TP63: variants seen among roughly 807,000 people sequenced by gnomAD.
TP63 encodes tumor protein 63.
In TP63, 17 loss-of-function variants were observed where a neutral mutation model predicts 82.8. The ratio of observed to expected loss-of-function variants is 0.21; its 90% confidence interval spans 0.14 to 0.31. TP63 has a LOEUF of 0.31. TP63 is among the 10% of genes least tolerant of loss of function. The pLI is 1.00. For missense variants in TP63, 648 were observed against 895.3 expected (o/e 0.72, Z 3.52); for synonymous variants, 330 against 321.7 (o/e 1.03, Z -0.28).
At chr3:189,762,298 T>C (rs967658078) in intron 3 of TP63, among the ~76,000 whole-genome samples, 1 of 152,104 alleles carries the variant, frequency 6.6e-6, no homozygotes, top group Admixed American at 6.5e-5. Context: ...TCTTTATCTG[T>C]TATTTGGTAT....
chr3:189,638,957 A>G (rs1711567020), intron 1 of TP63, among the ~76,000 whole-genome samples: 2 of 152,306 alleles, frequency 1.3e-5, no homozygotes, highest in South Asian at 4.1e-4. Context: ...ACTAGAGATA[A>G]TGAAAAACAG....
chr3:189,818,122 A>T lies in TP63; in HGVS notation c.579+9596A>T, dbSNP rs560904568. 3.2e-4 allele frequency among the ~76,000 whole-genome samples: 49 copies of T among 151,968 alleles called. No homozygotes were observed. In the East Asian group the frequency reaches 8.7e-3, roughly 27 times the overall value. ...TACTGTGTGTTCATTTGAGATTTTC[A>T]TATTTATAAAATATAAAAATGTATA... is the stretch of plus-strand genomic sequence containing the variant. On this transcript the variant is annotated intron_variant, in intron 4 of 13. Coordinates refer to ENST00000264731, the MANE Select transcript of TP63 (RefSeq NM_003722.5).
At chr3:189,890,914 A>G in intron 13 of TP63, 32 bp downstream of exon 13, 1 of 1,596,560 alleles carries the variant, frequency 6.3e-7, no homozygotes, top group Non-Finnish European at 8.6e-7. Flanking sequence ...CTCAAATTTT[A>G]TTTCTTCATT....
At chr3:189,747,927 C>T (rs1721500750) in intron 3 of TP63, among the ~76,000 whole-genome samples, 1 of 151,924 alleles carries the variant, frequency 6.6e-6, no homozygotes, top group African/African-American at 2.4e-5. Flanking sequence ...TTATGAACAA[C>T]TGTATACTAA....
At chr3:189,841,882 C>T (rs953796226) in intron 4 of TP63, among the ~76,000 whole-genome samples, 8 of 152,150 alleles carry the variant, frequency 5.3e-5, no homozygotes, top group Admixed American at 5.2e-4. Flanking sequence ...GGTGCCACTG[C>T]GTGAGGCTTT....
intron 3 of TP63, among the ~76,000 whole-genome samples, chr3:189,749,776 TAAAG>T (rs1368471858): frequency 6.6e-6 from 1 of 152,092 alleles, no homozygotes; most frequent in African/African-American, 2.4e-5. Context: ...CATCAATTAA[TAAAG>T]AAATAAAATT....
intron 3 of TP63, among the ~76,000 whole-genome samples, chr3:189,792,919 A>G (rs1395625571): frequency 6.6e-6 from 1 of 151,984 alleles, no homozygotes; most frequent in African/African-American, 2.4e-5. Context: ...TCCTAGTACT[A>G]TTTCTACTGA....
chr3:189,770,656 A>T (rs1723271474), intron 3 of TP63, among the ~76,000 whole-genome samples: 3 of 152,166 alleles, frequency 2.0e-5, no homozygotes, highest in Middle Eastern at 3.4e-3. Context: ...ATTGAATATT[A>T]TTATGCCTAG....
intron 4 of TP63, among the ~76,000 whole-genome samples, chr3:189,863,833 T>C (rs765809086): frequency 2.0e-5 from 3 of 152,210 alleles, no homozygotes; most frequent in Non-Finnish European, 4.4e-5. Context: ...CAGAAATCTG[T>C]CTTTGTGGTT....
chr3:189,847,095 C>T (rs779719936), intron 4 of TP63, among the ~76,000 whole-genome samples: 2 of 152,282 alleles, frequency 1.3e-5, no homozygotes, highest in African/African-American at 4.8e-5. Context: ...CAGTGTCTCA[C>T]GCCTATAATC....
At chr3:189,645,454 G>T in intron 1 of TP63, 1 of 307,000 alleles carries the variant, frequency 3.3e-6, no homozygotes, top group Non-Finnish European at 6.2e-6. Flanking sequence ...AGGATTATAT[G>T]ATCTTCTTTT....
intron 13 of TP63, among the ~76,000 whole-genome samples, chr3:189,893,419 A>G (rs1721218518): frequency 1.3e-5 from 2 of 152,226 alleles, no homozygotes. Context: ...CTGTGAAAAT[A>G]TGAGCTATCA....
chr3:189,599,741 G>A, the TP63 span, among the ~76,000 whole-genome samples: 1 of 152,088 alleles, frequency 6.6e-6, no homozygotes, highest in Non-Finnish European at 1.5e-5. Context: ...TATCTCTAGG[G>A]ATACAGAGAA....
chr3:189,722,399 T>C (rs1560135130), intron 1 of TP63, among the ~76,000 whole-genome samples: 1 of 152,220 alleles, frequency 6.6e-6, no homozygotes, highest in Non-Finnish European at 1.5e-5. Flanking sequence ...GTTCATCTGA[T>C]AACAAGGTCA....
At chr3:189,673,645 G>A (rs1244080516) in intron 1 of TP63, among the ~76,000 whole-genome samples, 2 of 151,998 alleles carry the variant, frequency 1.3e-5, no homozygotes, top group Non-Finnish European at 1.5e-5. Flanking sequence ...AAAAAGATAG[G>A]CAGGACATTT....
chr3:189,842,282 G>A (rs982365458), intron 4 of TP63, among the ~76,000 whole-genome samples: 14 of 152,114 alleles, frequency 9.2e-5, no homozygotes, highest in Non-Finnish European at 1.8e-4. Flanking sequence ...TCTCCGATCT[G>A]CCCACCAACC....
intron 1 of TP63, among the ~76,000 whole-genome samples, chr3:189,714,824 C>T (rs1407479824): frequency 1.3e-5 from 2 of 152,096 alleles, no homozygotes; most frequent in Admixed American, 6.6e-5. Context: ...ATATAAAAAG[C>T]ATCTCTTTTT....
chr3:189,792,515 C>T (rs1277457366), intron 3 of TP63, among the ~76,000 whole-genome samples: 1 of 151,990 alleles, frequency 6.6e-6, no homozygotes, highest in Non-Finnish European at 1.5e-5. Flanking sequence ...GAGATATTTA[C>T]TAAAATTCCT....
chr3:189,699,710 T>G (rs970422363), intron 1 of TP63, among the ~76,000 whole-genome samples: 1 of 152,208 alleles, frequency 6.6e-6, no homozygotes, highest in Non-Finnish European at 1.5e-5. Context: ...TAAATCTAGA[T>G]ATCTTGACAT....
Sources: gnomAD v4.1 joint callset for allele counts (sites outside exome capture counted in the v4.1 genomes callset) on GRCh38, gnomAD v4.1.1 for gene constraint, MANE v1.5 for transcripts, NCBI Gene and HGNC (gene_info 2026-07-23, HGNC 2026-07-21) for gene names.